The following NAA35 variants were observed in gnomAD, a reference collection of about 807,000 sequenced individuals.
NAA35 encodes MAK10 homolog, amino-acid N-acetyltransferase subunit.
In NAA35, 18 loss-of-function variants were observed where a neutral mutation model predicts 101.7. The observed-to-expected ratio is 0.18, with a 90% confidence interval of 0.12 to 0.26. NAA35 has a LOEUF of 0.26. Among genes scored for constraint, NAA35 ranks in the 10% least tolerant of loss-of-function variants. The pLI, the probability that NAA35 is intolerant of heterozygous loss-of-function variation, is 1.00. For synonymous variants in NAA35, 267 were observed against 273.1 expected (o/e 0.98, Z 0.22); for missense variants, 601 against 886.8 (o/e 0.68, Z 4.09).
chr9:85,953,369 A>G (rs1829106035), intron 2 of NAA35, among the ~76,000 whole-genome samples: 1 of 152,048 alleles, frequency 6.6e-6, no homozygotes, highest in South Asian at 2.1e-4. Context: ...CCATTAAACA[A>G]ACGGTAACTC....
intron 11 of NAA35, among the ~76,000 whole-genome samples, chr9:85,983,640 T>C (rs1334429297): frequency 1.3e-5 from 2 of 152,048 alleles, no homozygotes; most frequent in Non-Finnish European, 2.9e-5. Flanking sequence ...GAATATGTTC[T>C]TTGAGATTGA....
rs537836196 is a variant in NAA35, at chr9:86,023,951, T to G, written c.*1991T>G. Among the ~76,000 whole-genome samples, 16 of 152,316 alleles carry G rather than the reference T, an allele frequency of 1.1e-4. No individual in the cohort carries two copies. Among genetic ancestry groups the G allele is most frequent in the Non-Finnish European group, 1.9e-4 (13 of 68,028 alleles). On this transcript the variant is annotated 3_prime_UTR_variant, in exon 23 of 23. Transcript: ENST00000361671. ...CTCCTGCCTCAGCCCCCAGAGTAGCTGGGATTATAGGCAAATGCCTGCTTG... is the reference window on the plus strand; with the variant it reads ...CTCCTGCCTCAGCCCCCAGAGTAGCGGGGATTATAGGCAAATGCCTGCTTG...
At chr9:85,941,477 C>T in intron 1 of NAA35, 4 of 985,532 alleles carry the variant, frequency 4.1e-6, no homozygotes, top group Non-Finnish European at 4.8e-6. Context: ...GCCGAGGCGA[C>T]GACCCGGCGC....
intron 5 of NAA35, among the ~76,000 whole-genome samples, chr9:85,961,778 C>T (rs1047509927): frequency 1.1e-4 from 17 of 152,138 alleles, no homozygotes; most frequent in African/African-American, 4.1e-4. Flanking sequence ...AAGAGGCAGT[C>T]TTAATTTCAT....
chr9:86,002,637 C>T (rs771161856), intron 12 of NAA35, among the ~76,000 whole-genome samples: 2 of 152,074 alleles, frequency 1.3e-5, no homozygotes, highest in Admixed American at 6.6e-5. Context: ...GTCCTCACCT[C>T]AGTTTATTTT....
At chr9:85,951,938 C>A (rs541087811) in intron 2 of NAA35, among the ~76,000 whole-genome samples, 1 of 152,196 alleles carries the variant, frequency 6.6e-6, no homozygotes, top group South Asian at 2.1e-4. Flanking sequence ...GCTGGGATTA[C>A]GGGCGTGAGC....
chr9:85,956,302 T>C, intron 2 of NAA35, 58 bp from the exon 3 acceptor site: 1 of 1,072,656 alleles, frequency 9.3e-7, no homozygotes, highest in Non-Finnish European at 1.3e-6. Flanking sequence ...CTTTTTTTTC[T>C]TAGAATTAAA....
intron 11 of NAA35, among the ~76,000 whole-genome samples, chr9:85,991,434 G>C (rs1830908151): frequency 6.6e-6 from 1 of 152,120 alleles, no homozygotes; most frequent in Non-Finnish European, 1.5e-5. Context: ...AGGTTTCCCA[G>C]GTATGGGGTG....
intron 2 of NAA35, among the ~76,000 whole-genome samples, chr9:85,953,696 T>C (rs558458084): frequency 9.2e-5 from 14 of 152,354 alleles, no homozygotes; most frequent in African/African-American, 3.1e-4. Flanking sequence ...TCCAAAATGC[T>C]GGGATTACAG....
rs368113838 is a variant in NAA35, at chr9:85,993,942, A to G, written c.878-2457A>G. Among the ~76,000 whole-genome samples the G allele has an allele frequency of 2.9e-3, 439 of 152,024 alleles. 5 individuals carry two copies. The South Asian group carries it at 0.033, about 12-fold the overall frequency. ...TCCCATCTCAGCCTCCCCAGTAGCC[A>G]GGACTACAGGCATGAGCCAGGACAC... On this transcript the variant is annotated intron_variant, in intron 11 of 22. Transcript: ENST00000361671.
chr9:85,989,964 T>G (rs972014092), intron 11 of NAA35, among the ~76,000 whole-genome samples: 3 of 152,238 alleles, frequency 2.0e-5, no homozygotes, highest in African/African-American at 7.2e-5. Context: ...GAGATAAGAT[T>G]ATTCAAGTTT....
rs1403298463 is a variant in NAA35, at chr9:86,001,454, C to T, written c.1057-2131C>T. Among the ~76,000 whole-genome samples, 5 of 152,032 alleles carry T rather than the reference C, an allele frequency of 3.3e-5. No homozygotes were observed. The East Asian group carries it at 7.7e-4, about 23-fold the overall frequency. ...GAATATCTTTGTTAATTTTTTGTCTCGATGATCCATCTAATACTGTCATTG... is the reference window on the plus strand; with the variant it reads ...GAATATCTTTGTTAATTTTTTGTCTTGATGATCCATCTAATACTGTCATTG... On this transcript the variant is annotated intron_variant, in intron 12 of 22. Coordinates refer to ENST00000361671, the MANE Select transcript of NAA35 (RefSeq NM_024635.4).
chr9:85,950,386 T>C (rs1828968063), intron 2 of NAA35, among the ~76,000 whole-genome samples: 1 of 152,166 alleles, frequency 6.6e-6, no homozygotes, highest in African/African-American at 2.4e-5. Context: ...GTTGGGATTA[T>C]AAGCATGTGC....
chr9:86,017,466 A>T, intron 18 of NAA35, 32 bp from the exon 19 acceptor site: 1 of 1,602,654 alleles, frequency 6.2e-7, no homozygotes, highest in Non-Finnish European at 8.5e-7. Context: ...GGAAAAGATT[A>T]TGGAAGATTA....
intron 2 of NAA35, among the ~76,000 whole-genome samples, chr9:85,942,705 G>C (rs910474670): frequency 1.6e-4 from 25 of 152,274 alleles, no homozygotes; most frequent in South Asian, 8.3e-4. Flanking sequence ...TATAAAATCT[G>C]GTCCCTGCCT....
intron 6 of NAA35, chr9:85,966,631 A>T (rs981137309): frequency 4.6e-6 from 6 of 1,298,108 alleles, no homozygotes; most frequent in Non-Finnish European, 6.1e-6. Flanking sequence ...ATTTTCATGA[A>T]TATAATTTTA....
At chr9:85,972,778 C>G (rs187149296) in intron 6 of NAA35, among the ~76,000 whole-genome samples, 2 of 152,244 alleles carry the variant, frequency 1.3e-5, no homozygotes, top group East Asian at 3.9e-4. Flanking sequence ...GACCCCTGCC[C>G]TGGAATAAGT....
At chr9:86,011,692 G>C (rs1040290917) in intron 15 of NAA35, among the ~76,000 whole-genome samples, 4 of 149,682 alleles carry the variant, frequency 2.7e-5, no homozygotes, top group Non-Finnish European at 5.9e-5. Context: ...ATTTCTTTTA[G>C]AGAACTCCAA....
intron 2 of NAA35, among the ~76,000 whole-genome samples, chr9:85,952,872 T>A (rs1829081445): frequency 6.6e-6 from 1 of 152,216 alleles, no homozygotes; most frequent in Non-Finnish European, 1.5e-5. Context: ...GTTGTTTTTT[T>A]ATTTTGCCCA....
Sources: gnomAD v4.1 joint callset for allele counts (sites outside exome capture counted in the v4.1 genomes callset) on GRCh38, gnomAD v4.1.1 for gene constraint, MANE v1.5 for transcripts, NCBI Gene and HGNC (gene_info 2026-07-23, HGNC 2026-07-21) for gene names.